RPS6KL1: variants seen among roughly 807,000 people sequenced by gnomAD.
The protein encoded by RPS6KL1 is ribosomal protein S6 kinase like 1, also known as ribosomal protein S6 kinase-like 1.
In RPS6KL1, 41 loss-of-function variants were observed where a neutral mutation model predicts 57.0. That is an observed-to-expected ratio of 0.72 (90% CI 0.56 to 0.93). RPS6KL1 has a LOEUF of 0.93. Among genes scored for constraint, RPS6KL1 ranks in the 40% least tolerant of loss-of-function variants. The pLI is 0.00. For synonymous variants in RPS6KL1, 287 were observed against 309.7 expected (o/e 0.93, Z 0.77); for missense variants, 697 against 727.7 (o/e 0.96, Z 0.49).
At chr14:74,907,575 C>T (rs1885135823) in intron 10 of RPS6KL1, 45 bp from the exon 11 acceptor site, 2 of 1,527,312 alleles carry the variant, frequency 1.3e-6, no homozygotes, top group East Asian at 2.5e-5. Flanking sequence ...AACCCCAGGA[C>T]CGTCTACACT....
Position 74,921,463 on chromosome 14 carries a change from G to A in RPS6KL1, c.79C>T (p.His27Tyr). Residue 27 changes from histidine to tyrosine, a missense_variant, in exon 3 of 12, where the codon CAC becomes TAC. His to Tyr is a moderately conservative substitution (Grantham distance 83, BLOSUM62 2). Coordinates refer to ENST00000557413, the MANE Select transcript of RPS6KL1 (RefSeq NM_031464.5). ...EPCSRARSQA[H>Y]VYLEQIRNRV... ...TTGCGAATCTGCTCCAGGTACACGT[G>A]AGCTTGGGACCGTGCTCGTGAGCAA... 1.2e-6 allele frequency: 2 copies of A among 1,614,140 alleles called. No individual in the cohort carries two copies. Among genetic ancestry groups the A allele is most frequent in the African/African-American group, 1.3e-5 (1 of 75,076 alleles).
rs961579067 is a variant in RPS6KL1 at position 74,922,318 on chromosome 14, C to A, written c.-361G>T. On this transcript the variant is annotated 5_prime_UTR_variant, in exon 2 of 12. It introduces an in-frame stop codon into an upstream open reading frame of the 5' UTR. Coordinates refer to ENST00000557413, the MANE Select transcript of RPS6KL1 (RefSeq NM_031464.5). ...CCCTGCCTGTTGTCTCCTCCCTGCT[C>A]CTCCTGTGGGAATCTCATTTACCCT... The A allele has an allele frequency of 2.8e-5, 28 of 986,224 alleles. No homozygotes were observed. The highest frequency in any genetic ancestry group is 3.1e-5 in the Non-Finnish European group (26 of 830,572). The allele number at this position is 986,224 out of a possible 1,614,324, so 61.1% of individuals were successfully genotyped here.
chr14:74,911,903 A>G, intron 5 of RPS6KL1, 62 bp from the exon 6 acceptor site: 5 of 1,438,452 alleles, frequency 3.5e-6, no homozygotes, highest in Non-Finnish European at 3.8e-6. Context: ...CCGTGACCCC[A>G]GCCTGACCCC....
chr14:74,921,308 A>T lies in RPS6KL1; in HGVS notation c.234T>A (p.Asn78Lys). 1 of 1,402,572 alleles carries T rather than the reference A, an allele frequency of 7.1e-7. No individual in the cohort carries two copies. The highest frequency in any genetic ancestry group is 9.5e-7 in the Non-Finnish European group (1 of 1,047,960). 86.9% of individuals were successfully genotyped at this position (1,402,572 alleles called of 1,614,324 possible). Residue 78 changes from asparagine (N) to lysine (K), a missense_variant, in exon 3 of 12, where the codon AAT becomes AAA. Coordinates refer to ENST00000557413, the MANE Select transcript of RPS6KL1 (RefSeq NM_031464.5). The part of the protein sequence containing the change: ...DYEAAFNHYQ[N>K]GVDVLLRGIH... Reference sequence around the variant, plus strand: ...TGCCACGGAGCAGCACGTCCACGCCATTCTGATAGTGGTTGAAGGCCGCCT... The same window carrying T: ...TGCCACGGAGCAGCACGTCCACGCCTTTCTGATAGTGGTTGAAGGCCGCCT...
chr14:74,913,107 CT>C (rs566614830), intron 5 of RPS6KL1, among the ~76,000 whole-genome samples: 121 of 152,354 alleles, frequency 7.9e-4, no homozygotes, highest in African/African-American at 2.7e-3. Context: ...GGCCAGGCTG[CT>C]GGGCAGTGAG....
chr14:74,913,233 C>T (rs1191901727), intron 5 of RPS6KL1, among the ~76,000 whole-genome samples: 2 of 152,240 alleles, frequency 1.3e-5, no homozygotes, highest in East Asian at 1.9e-4. Flanking sequence ...ACCTTCCCTA[C>T]ATCTCTGGAT....
chr14:74,918,665 C>A, intron 4 of RPS6KL1, 60 bp from the exon 5 acceptor site: 1 of 1,316,524 alleles, frequency 7.6e-7, no homozygotes, highest in Non-Finnish European at 1.0e-6. Context: ...TTGGCCATGG[C>A]CTTCTCACCA....
At chr14:74,910,990 A>G (rs1885856251) in intron 7 of RPS6KL1, 2 of 383,398 alleles carry the variant, frequency 5.2e-6, no homozygotes, top group Non-Finnish European at 9.9e-6. Context: ...TCCTGCCTCC[A>G]CCTCCCAAGT....
At chr14:74,916,970 G>A (rs564837310) in intron 5 of RPS6KL1, among the ~76,000 whole-genome samples, 2 of 152,268 alleles carry the variant, frequency 1.3e-5, no homozygotes, top group Non-Finnish European at 2.9e-5. Context: ...GTCACCTCCC[G>A]GCCAGTCCCT....
In RPS6KL1 at chr14:74,906,560, A is replaced by G. The variant is rs1286642241; in HGVS notation, c.*454T>C. ...TGTGACTAAGAGGACTAGCCAGGACAGTCTGGTTTGGGTCCACTGAGCCAG... is the reference window on the plus strand; with the variant it reads ...TGTGACTAAGAGGACTAGCCAGGACGGTCTGGTTTGGGTCCACTGAGCCAG... On this transcript the variant is annotated 3_prime_UTR_variant, in exon 12 of 12. Transcript: ENST00000557413. 1 of 527,838 alleles carries G rather than the reference A, an allele frequency of 1.9e-6. No homozygotes were observed. The highest frequency in any genetic ancestry group is 3.9e-6 in the Non-Finnish European group (1 of 257,406). The allele number at this position is 527,838 out of a possible 1,614,324, so 32.7% of individuals were successfully genotyped here.
chr14:74,909,341 G>A, intron 8 of RPS6KL1, 151 bp from the exon 9 acceptor site: 1 of 974,132 alleles, frequency 1.0e-6, no homozygotes. Flanking sequence ...CTCCACAGAG[G>A]CACAGCACTC....
intron 5 of RPS6KL1, among the ~76,000 whole-genome samples, chr14:74,913,950 T>C (rs1015825435): frequency 6.6e-6 from 1 of 152,258 alleles, no homozygotes; most frequent in Non-Finnish European, 1.5e-5. Flanking sequence ...TTATGTTGCC[T>C]ACTGTCCCAC....
chr14:74,919,588 G>A (rs528905297), intron 4 of RPS6KL1, among the ~76,000 whole-genome samples: 2 of 152,356 alleles, frequency 1.3e-5, no homozygotes, highest in East Asian at 1.9e-4. Context: ...CATGGCAAGT[G>A]CTCTGTGAGG....
rs757078900 is a variant in RPS6KL1, at chr14:74,909,689, C to A, written c.1124G>T (p.Arg375Leu). 6.2e-7 allele frequency: 1 copy of A among 1,609,322 alleles called. No homozygotes were observed. The highest frequency in any genetic ancestry group is 1.1e-5 in the South Asian group (1 of 91,082). Residue 375 changes from arginine (R) to leucine (L), a missense_variant, in exon 8 of 12, where the codon CGG (arginine) becomes CTG (leucine). Transcript: ENST00000557413. ...ACTCCAGGTGGCCCTGCCACAGCCC[C>A]GGCCGGCCCCATCTGCTGACAGGCA... ...QSCLSADGAG[R>L]GCGRATWSVR... is the part of the protein sequence containing the mutation.
At chr14:74,921,238 T>TTGCCCCCC in intron 3 of RPS6KL1, 39 bp downstream of exon 3, 86 of 840,132 alleles carry the variant, frequency 1.0e-4, no homozygotes, top group Non-Finnish European at 1.6e-4. Flanking sequence ...CACTGGCCCT[T>TTGCCCCCC]CCCCACCCAC....
At chr14:74,914,901 G>A (rs1216570047) in intron 5 of RPS6KL1, among the ~76,000 whole-genome samples, 5 of 152,186 alleles carry the variant, frequency 3.3e-5, no homozygotes, top group African/African-American at 7.2e-5. Context: ...CAGTAGAGAC[G>A]GGGTTTCACC....
intron 3 of RPS6KL1, among the ~76,000 whole-genome samples, 187 bp from the exon 4 acceptor site, chr14:74,920,156 G>A (rs1181028334): frequency 1.3e-5 from 2 of 152,200 alleles, no homozygotes; most frequent in African/African-American, 4.8e-5. Context: ...CAGGAAGGAG[G>A]AGGAAGGGAG....
At chr14:74,908,727 G>A (rs1388968435) in intron 10 of RPS6KL1, 123 bp downstream of exon 10, 6 of 821,776 alleles carry the variant, frequency 7.3e-6, no homozygotes, top group Non-Finnish European at 1.3e-5. Flanking sequence ...CCTGGCTTCG[G>A]GGGCAGTTGT....
intron 5 of RPS6KL1, among the ~76,000 whole-genome samples, chr14:74,916,362 G>C (rs955566059): frequency 6.6e-6 from 1 of 151,956 alleles, no homozygotes; most frequent in Non-Finnish European, 1.5e-5. Flanking sequence ...CCCAAGACAG[G>C]ATAAAAAAGA....
Sources: allele counts gnomAD v4.1 joint callset (sites outside exome capture counted in the v4.1 genomes callset), GRCh38; gene constraint gnomAD v4.1.1; transcripts MANE v1.5; gene names NCBI Gene and HGNC (gene_info 2026-07-23, HGNC 2026-07-21).